The following AFG2A variants were observed in gnomAD, a reference collection of about 807,000 sequenced individuals.
The protein encoded by AFG2A is AAA ATPase AFG2A.
At chr4:123,127,230 G>T in the AFG2A span, among the ~76,000 whole-genome samples, 1 of 152,140 alleles carries the variant, frequency 6.6e-6, no homozygotes, top group South Asian at 2.1e-4. Context: ...ATAAGACACA[G>T]AAGCTAAATA....
the AFG2A span, among the ~76,000 whole-genome samples, chr4:122,982,069 G>A: frequency 6.6e-6 from 1 of 151,954 alleles, no homozygotes; most frequent in African/African-American, 2.4e-5. Context: ...TGAGCATTTT[G>A]TCTTGCTCTT....
chr4:123,187,878 C>T, the AFG2A span, among the ~76,000 whole-genome samples: 1 of 151,858 alleles, frequency 6.6e-6, no homozygotes, highest in African/African-American at 2.4e-5. Context: ...TGCTTGTAGT[C>T]CCAGCTACTC....
At chr4:123,294,138 A>G in the AFG2A span, among the ~76,000 whole-genome samples, 1 of 152,120 alleles carries the variant, frequency 6.6e-6, no homozygotes, top group Non-Finnish European at 1.5e-5. Flanking sequence ...TTAGCTTCAG[A>G]GGGGAGTGAT....
the AFG2A span, among the ~76,000 whole-genome samples, chr4:123,188,229 CAA>C: frequency 6.6e-6 from 1 of 152,048 alleles, no homozygotes. Context: ...TGCATTCCTA[CAA>C]AGTTTGTTCT....
At chr4:123,026,065 C>T in the AFG2A span, among the ~76,000 whole-genome samples, 5 of 151,552 alleles carry the variant, frequency 3.3e-5, no homozygotes, top group South Asian at 8.4e-4. Context: ...ATTCTCAGGG[C>T]CCTGTGTAGA....
At chr4:122,999,418 C>T in the AFG2A span, among the ~76,000 whole-genome samples, 1 of 151,922 alleles carries the variant, frequency 6.6e-6, no homozygotes, top group Admixed American at 6.6e-5. Context: ...CCTAGGTTTT[C>T]TTCTAGGGTT....
the AFG2A span, among the ~76,000 whole-genome samples, chr4:123,230,851 T>C: frequency 2.0e-5 from 3 of 151,960 alleles, no homozygotes; most frequent in Non-Finnish European, 2.9e-5. Flanking sequence ...TCCATCAGAG[T>C]TGTTGGCTGA....
chr4:123,007,776 A>G, the AFG2A span, among the ~76,000 whole-genome samples: 1 of 151,246 alleles, frequency 6.6e-6, no homozygotes, highest in African/African-American at 2.4e-5. Flanking sequence ...CCATACTCCT[A>G]GCTCTGTCTT....
the AFG2A span, among the ~76,000 whole-genome samples, chr4:123,129,305 T>G: frequency 1.3e-5 from 2 of 152,154 alleles, no homozygotes; most frequent in Admixed American, 6.5e-5. Context: ...CTCATTCAGG[T>G]CAACAAGAAT....
At chr4:122,943,191 G>C in the AFG2A span, among the ~76,000 whole-genome samples, 1 of 152,154 alleles carries the variant, frequency 6.6e-6, no homozygotes, top group African/African-American at 2.4e-5. Flanking sequence ...GGGTATCCTT[G>C]TTAACTTTCT....
At chr4:123,131,977 T>C in the AFG2A span, among the ~76,000 whole-genome samples, 1 of 109,930 alleles carries the variant, frequency 9.1e-6, no homozygotes, top group Non-Finnish European at 2.3e-5. Context: ...ATTCTTTTCT[T>C]TTTTCTTTTT....
chr4:123,227,446 T>G, the AFG2A span, among the ~76,000 whole-genome samples: 2 of 152,212 alleles, frequency 1.3e-5, no homozygotes, highest in Non-Finnish European at 2.9e-5. Flanking sequence ...ACATCTGTAT[T>G]TCTGCCTTCA....
chr4:123,008,657 GA>G, the AFG2A span, among the ~76,000 whole-genome samples: 2 of 151,424 alleles, frequency 1.3e-5, no homozygotes, highest in Non-Finnish European at 2.9e-5. Context: ...ACATTTTTAG[GA>G]AAAAAAAGCT....
the AFG2A span, chr4:122,923,133 C>G: frequency 6.2e-7 from 1 of 1,614,072 alleles, no homozygotes; most frequent in South Asian, 1.1e-5. Context: ...GGCTAGGGTA[C>G]CTTGTGACCA....
the AFG2A span, among the ~76,000 whole-genome samples, chr4:123,015,213 T>C: frequency 4.0e-5 from 6 of 150,888 alleles, no homozygotes; most frequent in African/African-American, 1.5e-4. Context: ...AATTGATCAT[T>C]CTTGGGTGTT....
At chr4:123,107,895 G>T in the AFG2A span, among the ~76,000 whole-genome samples, 1 of 152,224 alleles carries the variant, frequency 6.6e-6, no homozygotes, top group Non-Finnish European at 1.5e-5. Context: ...TCTGCCCAGA[G>T]CCTGCGCCAC....
At chr4:123,096,332 G>A in the AFG2A span, among the ~76,000 whole-genome samples, 1 of 151,972 alleles carries the variant, frequency 6.6e-6, no homozygotes, top group African/African-American at 2.4e-5. Flanking sequence ...ATTGCTGATG[G>A]TCTGGATTTG....
the AFG2A span, among the ~76,000 whole-genome samples, chr4:123,212,171 C>G: frequency 1.3e-5 from 2 of 152,098 alleles, no homozygotes; most frequent in Non-Finnish European, 2.9e-5. Context: ...GTTTCCATTT[C>G]CTTACAGTAT....
chr4:122,934,572 T>G, the AFG2A span: 1 of 1,613,840 alleles, frequency 6.2e-7, no homozygotes, highest in African/African-American at 1.3e-5. Context: ...ATTTTATTTC[T>G]TCAACAACAA....
Sources: allele counts gnomAD v4.1 joint callset (sites outside exome capture counted in the v4.1 genomes callset), GRCh38; gene constraint gnomAD v4.1.1; transcripts MANE v1.5; gene names NCBI Gene and HGNC (gene_info 2026-07-23, HGNC 2026-07-21).